The following OPCML variants were observed in gnomAD, a reference collection of about 807,000 sequenced individuals.
The protein encoded by OPCML is opioid-binding protein/cell adhesion molecule.
In OPCML, 13 loss-of-function variants were observed where a neutral mutation model predicts 37.8. That is an observed-to-expected ratio of 0.34 (90% CI 0.22 to 0.55). OPCML has a LOEUF of 0.55. Among genes scored for constraint, OPCML ranks in the 20% least tolerant of loss-of-function variants. The pLI is 0.91. For missense variants in OPCML, 341 were observed against 435.6 expected (o/e 0.78, Z 1.93); for synonymous variants, 176 against 168.8 (o/e 1.04, Z -0.33).
At chr11:132,432,530 C>A (rs552629002) in intron 7 of OPCML, among the ~76,000 whole-genome samples, 2 of 152,194 alleles carry the variant, frequency 1.3e-5, no homozygotes, top group Admixed American at 6.5e-5. Flanking sequence ...ATTCAGCCAG[C>A]GAGCAGCATA....
chr11:132,884,162 A>G (rs1943322864), intron 2 of OPCML, among the ~76,000 whole-genome samples: 1 of 152,210 alleles, frequency 6.6e-6, no homozygotes, highest in South Asian at 2.1e-4. Context: ...TCACCATATG[A>G]GAGAAAATAT....
chr11:132,595,078 A>G (rs542333374), intron 3 of OPCML, among the ~76,000 whole-genome samples: 1 of 152,246 alleles, frequency 6.6e-6, no homozygotes, highest in East Asian at 1.9e-4. Flanking sequence ...TCTGTCTCTC[A>G]GTGAATTTTG....
chr11:133,073,195 T>G lies in OPCML; in HGVS notation c.62-130185A>C, dbSNP rs147607232. ...ATGGGTTCTTAACGATCTCAGACTC[T>G]GGTTAACACCTGAGCGCTCCCAAGT... On this transcript the variant is annotated intron_variant, in intron 1 of 7. Coordinates refer to ENST00000524381, the MANE Select transcript of OPCML (RefSeq NM_001012393.5). Among the ~76,000 whole-genome samples, 10 of 152,312 alleles carry G rather than the reference T, an allele frequency of 6.6e-5. No individual in the cohort carries two copies. In the East Asian group the frequency reaches 1.9e-3, roughly 29 times the overall value.
intron 4 of OPCML, among the ~76,000 whole-genome samples, chr11:132,475,965 CCA>C (rs2096153965): frequency 6.6e-6 from 1 of 152,142 alleles, no homozygotes; most frequent in Non-Finnish European, 1.5e-5. Flanking sequence ...TCTTTTCGCC[CCA>C]GTTTTCTCAT....
At chr11:133,150,940 T>G (rs1394573231) in intron 1 of OPCML, among the ~76,000 whole-genome samples, 2 of 152,002 alleles carry the variant, frequency 1.3e-5, no homozygotes, top group East Asian at 3.9e-4. Context: ...CCCGGAACCC[T>G]TCTAGAAAGA....
intron 1 of OPCML, chr11:133,420,210 A>C: frequency 1.0e-6 from 1 of 973,462 alleles, no homozygotes; most frequent in Non-Finnish European, 1.2e-6. Context: ...TTTTTTCCTC[A>C]GAGATCTGAT....
chr11:132,812,143 A>T (rs932599778), intron 2 of OPCML, among the ~76,000 whole-genome samples: 4 of 152,138 alleles, frequency 2.6e-5, no homozygotes, highest in Non-Finnish European at 4.4e-5. Flanking sequence ...AACATTAAGG[A>T]CTAAATGGGA....
chr11:132,500,743 C>T (rs1411474730), intron 4 of OPCML, among the ~76,000 whole-genome samples: 2 of 151,958 alleles, frequency 1.3e-5, no homozygotes, highest in Non-Finnish European at 1.5e-5. Context: ...TGTGATGTTC[C>T]CCTCTCTGTG....
intron 2 of OPCML, among the ~76,000 whole-genome samples, chr11:132,679,941 C>T (rs954839050): frequency 2.0e-5 from 3 of 152,116 alleles, no homozygotes; most frequent in African/African-American, 7.2e-5. Flanking sequence ...AGGTGATGTG[C>T]ATTCTCAAAG....
At chr11:132,572,217 T>C (rs73036868) in intron 3 of OPCML, among the ~76,000 whole-genome samples, 8,293 of 152,134 alleles carry the variant, frequency 0.055, 441 homozygotes, top group African/African-American at 0.12. Flanking sequence ...CTCACTCCCT[T>C]GGTTGCCTGT....
At chr11:132,517,123 G>A (rs960315547) in intron 4 of OPCML, among the ~76,000 whole-genome samples, 1 of 152,148 alleles carries the variant, frequency 6.6e-6, no homozygotes, top group Admixed American at 6.5e-5. Context: ...TTAGAGCAGG[G>A]ATTATGTTCT....
At chr11:133,271,645 T>A (rs930094642) in intron 1 of OPCML, among the ~76,000 whole-genome samples, 1 of 152,198 alleles carries the variant, frequency 6.6e-6, no homozygotes, top group African/African-American at 2.4e-5. Flanking sequence ...AGGAAGGAGC[T>A]AAAGCTTAGA....
intron 1 of OPCML, among the ~76,000 whole-genome samples, chr11:133,229,700 C>T (rs746453252): frequency 4.6e-5 from 7 of 152,134 alleles, no homozygotes; most frequent in Non-Finnish European, 7.3e-5. Flanking sequence ...GATTTGGTAC[C>T]GTTGGCAGCT....
chr11:132,974,447 A>G (rs141020400), intron 1 of OPCML, among the ~76,000 whole-genome samples: 2,971 of 152,310 alleles, frequency 0.02, 43 homozygotes, highest in Middle Eastern at 0.068. Context: ...CAAAACCACA[A>G]TGAGATACCA....
rs117272463 is a variant in OPCML, at chr11:133,211,770, C to T, written c.62-268760G>A. Among the ~76,000 whole-genome samples, 231 of 152,288 alleles carry T rather than the reference C, an allele frequency of 1.5e-3. No homozygotes were observed. Among genetic ancestry groups the T allele is most frequent in the Non-Finnish European group, 2.7e-3 (184 of 68,030 alleles). On this transcript the variant is annotated intron_variant, in intron 1 of 7. Coordinates refer to ENST00000524381, the MANE Select transcript of OPCML (RefSeq NM_001012393.5). The surrounding 1 kb of genome is among the most constrained non-coding windows in gnomAD (Gnocchi z 4.1). ...TTATACCATCACCATTATCACAACA[C>T]GCTTTTCACAATTTTTTTAAGTCTT...
chr11:132,688,482 G>T (rs1035634316), intron 2 of OPCML, among the ~76,000 whole-genome samples: 2 of 152,122 alleles, frequency 1.3e-5, no homozygotes, highest in African/African-American at 4.8e-5. Context: ...ATTGGATGTG[G>T]TGGTTGCCAA....
chr11:132,913,438 C>A (rs756778677), intron 2 of OPCML, among the ~76,000 whole-genome samples: 3 of 152,198 alleles, frequency 2.0e-5, no homozygotes, highest in African/African-American at 4.8e-5. Context: ...GATTATGAGT[C>A]ATCGGGAAAC....
chr11:133,231,053 G>A (rs947040022), intron 1 of OPCML, among the ~76,000 whole-genome samples: 18 of 152,108 alleles, frequency 1.2e-4, no homozygotes, highest in South Asian at 4.1e-4. Context: ...CAAATTCCCC[G>A]CTAGCAGCAC....
At chr11:133,353,236 G>A (rs931869900) in intron 1 of OPCML, among the ~76,000 whole-genome samples, 11 of 151,420 alleles carry the variant, frequency 7.3e-5, no homozygotes, top group Non-Finnish European at 1.0e-4. Context: ...GTGTGATCTC[G>A]GCTCACTACA....
Sources: gnomAD v4.1 joint callset for allele counts (sites outside exome capture counted in the v4.1 genomes callset) on GRCh38, gnomAD v4.1.1 for gene constraint, Gnocchi (gnomAD v3.1) non-coding constraint, MANE v1.5 for transcripts, NCBI Gene and HGNC (gene_info 2026-07-23, HGNC 2026-07-21) for gene names.